Variants in CHN2 observed in about 807,000 individuals in gnomAD.
CHN2 encodes chimerin 2, also known as beta-chimaerin.
CHN2 carries 35 observed loss-of-function variants against 56.3 expected under a neutral mutation model. The observed-to-expected ratio is 0.62, with a 90% CI of 0.47 to 0.82. The LOEUF (loss-of-function observed/expected upper bound fraction) is 0.82, where lower values mean the gene tolerates loss of function less well. Ranked by LOEUF, CHN2 falls within the 40% of genes least tolerant of loss-of-function variation. The pLI, the probability that CHN2 is intolerant of heterozygous loss-of-function variation, is 0.00. For missense variants in CHN2, 491 were observed against 580.5 expected (o/e 0.85, Z 1.58); for synonymous variants, 210 against 212.8 (o/e 0.99, Z 0.12).
chr7:29,235,232 C>T (rs781323445), intron 1 of CHN2, among the ~76,000 whole-genome samples: 12 of 152,068 alleles, frequency 7.9e-5, no homozygotes, highest in Non-Finnish European at 1.5e-4. Flanking sequence ...AGGACATGAG[C>T]AGACACTTCT....
intron 1 of CHN2, chr7:29,212,519 G>A: frequency 1.3e-6 from 2 of 1,551,344 alleles, no homozygotes; most frequent in South Asian, 1.1e-5. Context: ...CAGTCCCAAA[G>A]GCAAACAACC....
chr7:29,472,291 ACACACACG>A (rs1255467633), intron 6 of CHN2, among the ~76,000 whole-genome samples: 6 of 150,220 alleles, frequency 4.0e-5, no homozygotes, highest in Non-Finnish European at 8.9e-5. Context: ...ACACACACAC[ACACACACG>A]CACACACACA....
At chr7:29,335,328 G>C (rs1016817301) in intron 1 of CHN2, among the ~76,000 whole-genome samples, 2 of 152,182 alleles carry the variant, frequency 1.3e-5, no homozygotes, top group African/African-American at 4.8e-5. Context: ...CCTTGCTGGA[G>C]GCTCAGTCTC....
chr7:29,432,688 C>A (rs1782936237), intron 6 of CHN2, among the ~76,000 whole-genome samples: 1 of 152,152 alleles, frequency 6.6e-6, no homozygotes, highest in Admixed American at 6.6e-5. Flanking sequence ...GACTGAAGAA[C>A]AGAGGACAAC....
intron 1 of CHN2, among the ~76,000 whole-genome samples, chr7:29,330,995 A>G (rs1242053201): frequency 6.6e-6 from 1 of 152,232 alleles, no homozygotes; most frequent in Non-Finnish European, 1.5e-5. Flanking sequence ...AATTCTCCCT[A>G]CGCTGCCATG....
rs1431174476 is a variant in CHN2, at chr7:29,240,057, T to G, written c.49+45067T>G. 3.9e-5 allele frequency among the ~76,000 whole-genome samples: 6 copies of G among 152,216 alleles called. No homozygotes were observed. The East Asian group carries it at 1.2e-3, about 29-fold the overall frequency. On this transcript the variant is annotated intron_variant, in intron 1 of 12. Transcript: ENST00000222792. ...GATCCAGCCCGCAGGCAGCCACCCT[T>G]TTACCAATGATGATCCCACTGAATG...
intron 3 of CHN2, among the ~76,000 whole-genome samples, chr7:29,388,491 C>T (rs1040751689): frequency 9.1e-5 from 3 of 32,896 alleles, no homozygotes; most frequent in African/African-American, 2.0e-4. Context: ...CATATTTATT[C>T]ATTTACTCTT....
chr7:29,487,681 TCCCTCCCTCTTTCTCTCC>T (rs1162489444), intron 7 of CHN2, among the ~76,000 whole-genome samples: 2 of 151,732 alleles, frequency 1.3e-5, no homozygotes, highest in Non-Finnish European at 2.9e-5. Context: ...TCCTTCTAAC[TCCCTCCCTCTTTCTCTCC>T]CCCTCCCTCC....
rs190835665 is a variant in CHN2 at position 29,223,983 on chromosome 7, A to G, written c.49+28993A>G. ...TTTTGACTTGGCTCTCTAAAACCCT[A>G]TAGGCAGTAAAATTCAAATCTTTTC... On this transcript the variant is annotated intron_variant, in intron 1 of 12. Coordinates refer to ENST00000222792, the MANE Select transcript of CHN2 (RefSeq NM_004067.4). Among the ~76,000 whole-genome samples, 238 of 152,302 alleles carry G rather than the reference A, an allele frequency of 1.6e-3. 1 individual carries two copies. Among genetic ancestry groups the G allele is most frequent in the African/African-American group, 5.3e-3 (219 of 41,562 alleles).
chr7:29,399,701 C>T (rs144266611), intron 5 of CHN2, among the ~76,000 whole-genome samples: 2 of 152,328 alleles, frequency 1.3e-5, no homozygotes, highest in African/African-American at 2.4e-5. Flanking sequence ...GTGTTCCATG[C>T]ACCATCTCCC....
intron 6 of CHN2, among the ~76,000 whole-genome samples, chr7:29,433,787 C>T (rs1214224858): frequency 6.6e-6 from 1 of 150,670 alleles, no homozygotes; most frequent in South Asian, 2.1e-4. Flanking sequence ...TGCAATGAGC[C>T]AAGATCATGC....
At chr7:29,252,656 C>T (rs1584874375) in intron 1 of CHN2, among the ~76,000 whole-genome samples, 4 of 86,294 alleles carry the variant, frequency 4.6e-5, no homozygotes, top group African/African-American at 1.8e-4. Context: ...ACTGCAGTGG[C>T]GCAATCTCGG....
chr7:29,456,255 G>A (rs1001272973), intron 6 of CHN2, among the ~76,000 whole-genome samples: 1 of 152,138 alleles, frequency 6.6e-6, no homozygotes, highest in African/African-American at 2.4e-5. Flanking sequence ...CTTTGAACCT[G>A]CCTTTACTAC....
chr7:29,499,654 AGGCT>A (rs1248325090), intron 8 of CHN2, among the ~76,000 whole-genome samples: 33 of 152,318 alleles, frequency 2.2e-4, no homozygotes, highest in South Asian at 1.0e-3. Flanking sequence ...GCGACAGAGA[AGGCT>A]TAACGAGAAA....
At chr7:29,339,292 GA>G (rs375035532) in intron 1 of CHN2, among the ~76,000 whole-genome samples, 240 of 152,072 alleles carry the variant, frequency 1.6e-3, no homozygotes, top group African/African-American at 5.5e-3. Flanking sequence ...GGATATAAGT[GA>G]AAACCAAATC....
At chr7:29,177,194 C>T (rs1797459829) in intron 2 of CHN2, among the ~76,000 whole-genome samples, 1 of 151,654 alleles carries the variant, frequency 6.6e-6, no homozygotes, top group Non-Finnish European at 1.5e-5. Flanking sequence ...TAATTTATAC[C>T]TATATAGGAG....
chr7:29,279,289 T>G (rs919570397), intron 1 of CHN2, among the ~76,000 whole-genome samples: 3 of 152,254 alleles, frequency 2.0e-5, no homozygotes, highest in African/African-American at 7.2e-5. Flanking sequence ...AGAGTATGCT[T>G]TCCTTATCAT....
chr7:29,169,460 A>G, intron 2 of CHN2, among the ~76,000 whole-genome samples: 1 of 152,176 alleles, frequency 6.6e-6, no homozygotes, highest in East Asian at 1.9e-4. Flanking sequence ...TTTTATATAA[A>G]TGTTTATATA....
intron 6 of CHN2, among the ~76,000 whole-genome samples, chr7:29,450,807 C>T (rs1784351048): frequency 6.6e-6 from 1 of 151,642 alleles, no homozygotes. Flanking sequence ...GAGTCTTGCC[C>T]TGTTGGCAGG....
Sources: allele counts gnomAD v4.1 joint callset (sites outside exome capture counted in the v4.1 genomes callset), GRCh38; gene constraint gnomAD v4.1.1; transcripts MANE v1.5; gene names NCBI Gene and HGNC (gene_info 2026-07-23, HGNC 2026-07-21).